The following TOP1 variants were observed in gnomAD, a reference collection of about 807,000 sequenced individuals.
TOP1 encodes the protein DNA topoisomerase I.
TOP1 carries 10 observed loss-of-function variants against 111.1 expected under a neutral mutation model. The ratio of observed to expected loss-of-function variants is 0.09; its 90% CI spans 0.06 to 0.15. TOP1 has a LOEUF of 0.15. Among genes scored for constraint, TOP1 ranks in the 10% least tolerant of loss-of-function variants. The pLI is 1.00. For missense variants in TOP1, 474 were observed against 926.7 expected, an observed-to-expected ratio of 0.51 and a Z score of 6.34; for synonymous variants, 271 against 302.9, an observed-to-expected ratio of 0.89 and a Z score of 1.10.
rs1279422924 is a variant in TOP1 at position 41,058,368 on chromosome 20, G to C, written c.59-3026G>C. Among the ~76,000 whole-genome samples, 1 of 152,184 alleles carries C rather than the reference G, an allele frequency of 6.6e-6. No homozygotes were observed. Among genetic ancestry groups the C allele is most frequent in the Non-Finnish European group, 1.5e-5 (1 of 68,032 alleles). Reference sequence around the variant, plus strand: ...TCAGGAATCCAGACATAGTTTATCTGGGTGGCTTTGGCTTACCATCTGTAG... The same window carrying C: ...TCAGGAATCCAGACATAGTTTATCTCGGTGGCTTTGGCTTACCATCTGTAG... On this transcript the variant is annotated intron_variant, in intron 2 of 20. Coordinates refer to ENST00000361337, the MANE Select transcript of TOP1 (RefSeq NM_003286.4). The surrounding 1 kb of genome is among the most constrained non-coding windows in gnomAD (Gnocchi z 4.2).
In TOP1 at chr20:41,110,709, G is replaced by C; in HGVS notation, c.1309-2073G>C. On this transcript the variant is annotated intron_variant, in intron 13 of 20. Coordinates refer to ENST00000361337, the MANE Select transcript of TOP1 (RefSeq NM_003286.4). The surrounding 1 kb of genome is among the most constrained non-coding windows in gnomAD (Gnocchi z 4.2). ...CATTACTGAAGTGTGATTGAATTAG[G>C]GAAAGAGGAGAGGTGGTCAAAGGCA... is the stretch of plus-strand genomic sequence containing the variant. 6.6e-6 allele frequency among the ~76,000 whole-genome samples: 1 copy of C among 152,240 alleles called. No individual in the cohort carries two copies. Among genetic ancestry groups the C allele is most frequent in the Non-Finnish European group, 1.5e-5 (1 of 68,038 alleles).
chr20:41,090,854 A>G (rs547039280), intron 8 of TOP1, among the ~76,000 whole-genome samples: 6 of 152,310 alleles, frequency 3.9e-5, no homozygotes, highest in Admixed American at 1.3e-4. Context: ...GTCATATCCA[A>G]TAAATCACTG....
Position 41,029,124 on chromosome 20 carries a change from G to A in TOP1, c.33+24G>A. The A allele has an allele frequency of 6.8e-7, 1 of 1,478,366 alleles. No homozygotes were observed. The highest frequency in any genetic ancestry group is 3.0e-5 in the East Asian group (1 of 33,810). 91.6% of individuals were successfully genotyped at this position (1,478,366 alleles called of 1,614,324 possible). The stretch of plus-strand genomic sequence containing the variant: ...AGGTACGGCCCGGCCTGACCCTGGC[G>A]GCCCCGGACCCCGGCCTGGCCGTCC... On this transcript the variant is annotated intron_variant, in intron 1 of 20. Transcript: ENST00000361337. The surrounding 1 kb of genome is among the most constrained non-coding windows in gnomAD (Gnocchi z 6.1).
chr20:41,088,741 A>G (rs1270140321), intron 8 of TOP1, among the ~76,000 whole-genome samples: 1 of 152,130 alleles, frequency 6.6e-6, no homozygotes, highest in Admixed American at 6.5e-5. Flanking sequence ...TAATATATCA[A>G]TGACTCTGCC....
Position 41,121,520 on chromosome 20 carries a change from A to C in TOP1, c.1951-176A>C, listed in dbSNP as rs944867780. Among the ~76,000 whole-genome samples the C allele has an allele frequency of 6.6e-6, 1 of 152,112 alleles. No homozygotes were observed. The highest frequency in any genetic ancestry group is 1.5e-5 in the Non-Finnish European group (1 of 68,028). ...CAGATCACTGAAGAACAAATAGTTG[A>C]ATTCACTAGTCCTTGTGCATCTTCT... On this transcript the variant is annotated intron_variant, in intron 18 of 20. Coordinates refer to ENST00000361337, the MANE Select transcript of TOP1 (RefSeq NM_003286.4). The surrounding 1 kb of genome is among the most constrained non-coding windows in gnomAD (Gnocchi z 4.2).
At chr20:41,049,583 A>AG (rs1002058635) in intron 2 of TOP1, among the ~76,000 whole-genome samples, 5 of 152,280 alleles carry the variant, frequency 3.3e-5, no homozygotes, top group Admixed American at 6.5e-5. Context: ...TTGGGCAGTT[A>AG]GGGGGACCCT....
intron 2 of TOP1, among the ~76,000 whole-genome samples, chr20:41,035,636 T>G (rs1043291725): frequency 2.0e-5 from 3 of 152,214 alleles, no homozygotes; most frequent in Non-Finnish European, 4.4e-5. Context: ...TTATTCTTTA[T>G]ATTGTTTTTC....
chr20:41,116,504 G>A lies in TOP1; in HGVS notation c.1822+112G>A, dbSNP rs1436164372. 5.2e-6 allele frequency: 4 copies of A among 773,862 alleles called. No homozygotes were observed. Among genetic ancestry groups the A allele is most frequent in the Non-Finnish European group, 8.6e-6 (4 of 466,910 alleles). The allele number at this position is 773,862 out of a possible 1,614,324, so 47.9% of individuals were successfully genotyped here. A position where few individuals can be genotyped will look rare whatever the true frequency, so the allele number is the denominator to read the frequency against. On this transcript the variant is annotated intron_variant, in intron 17 of 20. Coordinates refer to ENST00000361337, the MANE Select transcript of TOP1 (RefSeq NM_003286.4). The surrounding 1 kb of genome is among the most constrained non-coding windows in gnomAD (Gnocchi z 5.6). ...CTTTTTTTCCCTACCATTGTGGTCA[G>A]ACACTTTTTCCCTTTAGACCTCTAG...
intron 8 of TOP1, among the ~76,000 whole-genome samples, chr20:41,087,307 T>A (rs1010066811): frequency 1.3e-5 from 2 of 152,240 alleles, no homozygotes. Context: ...TCCTGATTTT[T>A]AACTGTTGGC....
At chr20:41,105,161 A>T (rs189453054) in intron 13 of TOP1, among the ~76,000 whole-genome samples, 273 of 152,124 alleles carry the variant, frequency 1.8e-3, no homozygotes, top group African/African-American at 6.4e-3. Context: ...TCTCATACAT[A>T]TTTTTTGTAT....
In TOP1 at chr20:41,095,353, TTTTTAAATGG is replaced by T. The variant is rs1308732012; in HGVS notation, c.731-1865_731-1856del. ...GAACCACCATGCTCAGCCACATTTTTTTTTAAATGGTGTTAACAGTTTACATTTTTTTCTT... is the reference window on the plus strand; with the variant it reads ...GAACCACCATGCTCAGCCACATTTTTTGTTAACAGTTTACATTTTTTTCTT... On this transcript the variant is annotated intron_variant, in intron 9 of 20. Transcript: ENST00000361337. The surrounding 1 kb of genome is among the most constrained non-coding windows in gnomAD (Gnocchi z 4.6). 6.6e-6 allele frequency among the ~76,000 whole-genome samples: 1 copy of T among 152,156 alleles called. No individual in the cohort carries two copies. Among genetic ancestry groups the T allele is most frequent in the East Asian group, 1.9e-4 (1 of 5,144 alleles).
intron 4 of TOP1, among the ~76,000 whole-genome samples, chr20:41,077,250 GC>G (rs1255070208): frequency 3.3e-5 from 5 of 152,102 alleles, no homozygotes; most frequent in African/African-American, 1.2e-4. Context: ...TTTGGTTTTT[GC>G]TTTTGTTTCC....
At chr20:41,050,064 C>G (rs1186155864) in intron 2 of TOP1, among the ~76,000 whole-genome samples, 1 of 152,250 alleles carries the variant, frequency 6.6e-6, no homozygotes, top group African/African-American at 2.4e-5. Flanking sequence ...GTTGCTTAGG[C>G]TGGAGTGCAA....
Position 41,118,541 on chromosome 20 carries a change from T to C in TOP1, c.1950+245T>C, listed in dbSNP as rs1432100481. Reference sequence around the variant, plus strand: ...GTTCTATACTGGCCACTCCCTATTTTGAAAAACTAACTTTGGTGTACATTC... The same window carrying C: ...GTTCTATACTGGCCACTCCCTATTTCGAAAAACTAACTTTGGTGTACATTC... On this transcript the variant is annotated intron_variant, in intron 18 of 20. Transcript: ENST00000361337. The surrounding 1 kb of genome is among the most constrained non-coding windows in gnomAD (Gnocchi z 4.6). Among the ~76,000 whole-genome samples, 2 of 152,262 alleles carry C rather than the reference T, an allele frequency of 1.3e-5. No individual in the cohort carries two copies. Among genetic ancestry groups the C allele is most frequent in the African/African-American group, 4.8e-5 (2 of 41,478 alleles).
chr20:41,118,750 C>T lies in TOP1; in HGVS notation c.1950+454C>T, dbSNP rs1331212913. On this transcript the variant is annotated intron_variant, in intron 18 of 20. Coordinates refer to ENST00000361337, the MANE Select transcript of TOP1 (RefSeq NM_003286.4). This position sits in a 1 kb window ranked among gnomAD's most constrained non-coding sequence, Gnocchi z 4.6. Reference sequence around the variant, plus strand: ...CCTAGCATAGCTATTTTTATTTTTACGCATTCCACATGAATCATATTTTTA... The same window carrying T: ...CCTAGCATAGCTATTTTTATTTTTATGCATTCCACATGAATCATATTTTTA... Among the ~76,000 whole-genome samples the T allele has an allele frequency of 2.0e-5, 3 of 152,138 alleles. No homozygotes were observed. Among genetic ancestry groups the T allele is most frequent in the South Asian group, 2.1e-4 (1 of 4,826 alleles).
At chr20:41,054,900 T>G (rs1376425438) in intron 2 of TOP1, among the ~76,000 whole-genome samples, 2 of 152,232 alleles carry the variant, frequency 1.3e-5, no homozygotes, top group Non-Finnish European at 2.9e-5. Context: ...ATTCCTACAG[T>G]AGGAAAAGAC....
rs1692985990 is a variant in TOP1 at position 41,123,446 on chromosome 20, A to G, written c.*149A>G. The G allele has an allele frequency of 3.6e-6, 2 of 555,622 alleles. No homozygotes were observed. Among genetic ancestry groups the G allele is most frequent in the Admixed American group, 3.5e-5 (1 of 28,548 alleles). 34.4% of individuals were successfully genotyped at this position (555,622 alleles called of 1,614,324 possible). A position where few individuals can be genotyped will look rare whatever the true frequency, so the allele number is the denominator to read the frequency against. Reference sequence around the variant, plus strand: ...TTTGCGAAAAGATAAACCTGGAGATATTATAAGGGAGAGCTGAGCCAGTTG... The same window carrying G: ...TTTGCGAAAAGATAAACCTGGAGATGTTATAAGGGAGAGCTGAGCCAGTTG... On this transcript the variant is annotated 3_prime_UTR_variant, in exon 21 of 21. Coordinates refer to ENST00000361337, the MANE Select transcript of TOP1 (RefSeq NM_003286.4). This position sits in a 1 kb window ranked among gnomAD's most constrained non-coding sequence, Gnocchi z 5.8.
Position 41,028,968 on chromosome 20 carries a change from C to G in TOP1, c.-100C>G. ...TCACCGCCGCTTACCTGCGCCTCCT[C>G]GAGCCTCCGGAGTCCCCGTCCGCCC... On this transcript the variant is annotated 5_prime_UTR_variant, in exon 1 of 21. Transcript: ENST00000361337. 4 of 1,045,192 alleles carry G rather than the reference C, an allele frequency of 3.8e-6. No individual in the cohort carries two copies. Among genetic ancestry groups the G allele is most frequent in the East Asian group, 2.8e-5 (1 of 35,300 alleles). 64.7% of individuals were successfully genotyped at this position (1,045,192 alleles called of 1,614,324 possible).
At chr20:41,060,621 TAC>T (rs963157377) in intron 2 of TOP1, among the ~76,000 whole-genome samples, 24 of 152,158 alleles carry the variant, frequency 1.6e-4, no homozygotes, top group African/African-American at 5.6e-4. Context: ...TGTTTATTAT[TAC>T]AGTTATTTCT....
Sources: gnomAD v4.1 joint callset for allele counts (sites outside exome capture counted in the v4.1 genomes callset) on GRCh38, gnomAD v4.1.1 for gene constraint, Gnocchi (gnomAD v3.1) non-coding constraint, MANE v1.5 for transcripts, NCBI Gene and HGNC (gene_info 2026-07-23, HGNC 2026-07-21) for gene names.